Variants in MYOCD observed in about 807,000 individuals in gnomAD.
MYOCD encodes myocardin.
MYOCD carries 32 observed loss-of-function variants against 96.1 expected under a neutral mutation model. The observed-to-expected ratio is 0.33, with a 90% confidence interval of 0.25 to 0.45. The LOEUF (loss-of-function observed/expected upper bound fraction) is 0.45. MYOCD is among the 20% of genes least tolerant of loss of function. The pLI, the probability that MYOCD is intolerant of heterozygous loss-of-function variation, is 1.00. For synonymous variants in MYOCD, 469 were observed against 469.0 expected (o/e 1.00, Z 0.00); for missense variants, 1,133 against 1,200.6 (o/e 0.94, Z 0.83).
rs1323481986 is a variant in MYOCD, at chr17:12,752,654, C to G, written c.1366C>G (p.Pro456Ala). Residue 456 changes from proline (P) to alanine (A), a missense_variant, in exon 10 of 14, where the codon CCC becomes GCC. Coordinates refer to ENST00000425538, the MANE Select transcript of MYOCD (RefSeq NM_001146312.3). ...CCACTTTGGCAGCACCAGCTCCAGCCCCCCGATCTCCCCAGCCTCCTCTGA... is the reference window on the plus strand; with the variant it reads ...CCACTTTGGCAGCACCAGCTCCAGCGCCCCGATCTCCCCAGCCTCCTCTGA... The part of the protein sequence containing the change: ...FYHFGSTSSS[P>A]PISPASSDLS... The G allele has an allele frequency of 1.2e-6, 2 of 1,614,034 alleles. No homozygotes were observed. The highest frequency in any genetic ancestry group is 1.7e-6 in the Non-Finnish European group (2 of 1,179,958).
chr17:12,752,944 G>A lies in MYOCD; in HGVS notation c.1656G>A (p.Gln552=). Residue 552 remains glutamine, a synonymous_variant, in exon 10 of 14, where the codon CAG becomes CAA. Coordinates refer to ENST00000425538, the MANE Select transcript of MYOCD (RefSeq NM_001146312.3). Reference sequence around the variant, plus strand: ...AGCTGAGGATGCAGCTTCAGAAGCAGAAAAGGAATAACTGTTCAGAGAAGA... The same window carrying A: ...AGCTGAGGATGCAGCTTCAGAAGCAAAAAAGGAATAACTGTTCAGAGAAGA... ...VEELRMQLQK[Q]KRNNCSEKKP... is the part of the protein sequence containing the mutation. 6.2e-7 allele frequency: 1 copy of A among 1,614,176 alleles called. No individual in the cohort carries two copies. The highest frequency in any genetic ancestry group is 8.5e-7 in the Non-Finnish European group (1 of 1,180,042).
intron 10 of MYOCD, among the ~76,000 whole-genome samples, chr17:12,754,076 A>G (rs12103745): frequency 0.32 from 46,677 of 147,128 alleles, 8,066 homozygotes; most frequent in Middle Eastern, 0.45. Flanking sequence ...GTGTGTGTGT[A>G]TGTGTGTGTG....
chr17:12,736,758 G>A (rs1270745887), intron 6 of MYOCD, among the ~76,000 whole-genome samples: 1 of 152,162 alleles, frequency 6.6e-6, no homozygotes. Context: ...GCTCCAGGGA[G>A]TGGAGAGAAG....
At chr17:12,753,460 G>A (rs2032921845) in intron 10 of MYOCD, 114 bp downstream of exon 10, 2 of 951,060 alleles carry the variant, frequency 2.1e-6, no homozygotes, top group Non-Finnish European at 1.5e-6. Flanking sequence ...TTTACCAAAA[G>A]CATAGCAGAA....
rs553808825 is a variant in MYOCD at position 12,744,281 on chromosome 17, C to T, written c.816C>T (p.Asp272=). Residue 272 remains aspartate, a synonymous_variant, in exon 8 of 14, where the codon GAC becomes GAT. Coordinates refer to ENST00000425538, the MANE Select transcript of MYOCD (RefSeq NM_001146312.3). ...KLKYHQYIPP[D]QKAEKSPPPM... The stretch of plus-strand genomic sequence containing the variant: ...AATATCACCAGTACATTCCCCCAGA[C>T]CAGAAGGCAGAGAAGTCCCCTCCAC... The T allele has an allele frequency of 1.2e-6, 2 of 1,614,196 alleles. No individual in the cohort carries two copies. The highest frequency in any genetic ancestry group is 2.2e-5 in the East Asian group (1 of 44,888).
At chr17:12,671,413 G>A (rs1395297353) in intron 1 of MYOCD, among the ~76,000 whole-genome samples, 2 of 152,138 alleles carry the variant, frequency 1.3e-5, no homozygotes, top group Non-Finnish European at 2.9e-5. Context: ...CAGTGGGAGA[G>A]GCTAAATAAG....
At chr17:12,750,546 C>T (rs527559026) in intron 9 of MYOCD, among the ~76,000 whole-genome samples, 9 of 151,870 alleles carry the variant, frequency 5.9e-5, no homozygotes, top group East Asian at 3.9e-4. Context: ...AAAATTAGCC[C>T]GGTGTGGTGG....
In MYOCD at chr17:12,767,373, A is replaced by G. The variant is rs1243230326; in HGVS notation, c.*3729A>G. 1.3e-5 allele frequency: 2 copies of G among 152,246 alleles called. No individual in the cohort carries two copies. Among genetic ancestry groups the G allele is most frequent in the Non-Finnish European group, 2.9e-5 (2 of 68,044 alleles). The allele number at this position is 152,246 out of a possible 1,614,324, so 9.4% of individuals were successfully genotyped here. ...CCAAATGTTATTTATTTTAAAGTCA[A>G]TCAGCTCTTTTAGAAACAGATTCTG... On this transcript the variant is annotated 3_prime_UTR_variant, in exon 14 of 14. Transcript: ENST00000425538.
chr17:12,715,690 C>T (rs974298721), intron 3 of MYOCD, 116 bp downstream of exon 3: 27 of 703,126 alleles, frequency 3.8e-5, no homozygotes, highest in African/African-American at 2.5e-4. Context: ...ATTTGCCAGT[C>T]CCCTGCCCTC....
At chr17:12,758,594 C>G (rs2033080674) in intron 12 of MYOCD, among the ~76,000 whole-genome samples, 1 of 152,212 alleles carries the variant, frequency 6.6e-6, no homozygotes, top group South Asian at 2.1e-4. Flanking sequence ...ATGAGAGTGA[C>G]TGTCAGGGTA....
intron 1 of MYOCD, among the ~76,000 whole-genome samples, chr17:12,678,070 T>G (rs991833798): frequency 1.3e-5 from 2 of 151,560 alleles, no homozygotes; most frequent in African/African-American, 4.8e-5. Flanking sequence ...TTTTTGTATT[T>G]TTAGTAGAGA....
intron 12 of MYOCD, among the ~76,000 whole-genome samples, chr17:12,759,979 T>C (rs2033124387): frequency 6.6e-6 from 1 of 152,230 alleles, no homozygotes. Context: ...TTTCATTCAG[T>C]AGATTATCTG....
At chr17:12,720,852 C>A (rs976636972) in intron 4 of MYOCD, among the ~76,000 whole-genome samples, 5 of 151,910 alleles carry the variant, frequency 3.3e-5, no homozygotes, top group African/African-American at 1.2e-4. Flanking sequence ...GAAACCCCAT[C>A]TCTACTAAAA....
Position 12,714,698 on chromosome 17 carries a change from T to C in MYOCD, c.122-821T>C, listed in dbSNP as rs572378186. ...TATTAAATCCCCATAAGAGGTGCTATGAAGGGTGATGAGGAGGAGGTCATG... is the reference window on the plus strand; with the variant it reads ...TATTAAATCCCCATAAGAGGTGCTACGAAGGGTGATGAGGAGGAGGTCATG... On this transcript the variant is annotated intron_variant, in intron 2 of 13. Transcript: ENST00000425538. Among the ~76,000 whole-genome samples, 111 of 152,308 alleles carry C rather than the reference T, an allele frequency of 7.3e-4. 2 individuals carry two copies. Among genetic ancestry groups the C allele is most frequent in the African/African-American group, 2.4e-3 (98 of 41,582 alleles).
chr17:12,677,068 G>A (rs1286368709), intron 1 of MYOCD, among the ~76,000 whole-genome samples: 1 of 152,100 alleles, frequency 6.6e-6, no homozygotes, highest in Admixed American at 6.6e-5. Flanking sequence ...ACACTATGCA[G>A]CCATAAAAAA....
At chr17:12,754,818 T>TAG (rs2032967225) in intron 10 of MYOCD, among the ~76,000 whole-genome samples, 1 of 152,246 alleles carries the variant, frequency 6.6e-6, no homozygotes, top group Non-Finnish European at 1.5e-5. Flanking sequence ...TGCCAAGCAT[T>TAG]ACAAGGCATG....
chr17:12,716,479 TC>T (rs1478246383), intron 3 of MYOCD, among the ~76,000 whole-genome samples: 2 of 152,116 alleles, frequency 1.3e-5, no homozygotes, highest in East Asian at 3.9e-4. Flanking sequence ...GACAGCCCCA[TC>T]AAGAAGGTAA....
chr17:12,755,599 A>C (rs2032989099), intron 10 of MYOCD, among the ~76,000 whole-genome samples: 1 of 152,086 alleles, frequency 6.6e-6, no homozygotes, highest in African/African-American at 2.4e-5. Context: ...AAATTAGGCC[A>C]GGCGCGATGG....
intron 1 of MYOCD, among the ~76,000 whole-genome samples, chr17:12,690,556 A>G (rs2030396213): frequency 6.6e-6 from 1 of 152,216 alleles, no homozygotes; most frequent in Non-Finnish European, 1.5e-5. Flanking sequence ...GAACATATTG[A>G]AAAAAATGGA....
Sources: allele counts gnomAD v4.1 joint callset (sites outside exome capture counted in the v4.1 genomes callset), GRCh38; gene constraint gnomAD v4.1.1; transcripts MANE v1.5; gene names NCBI Gene and HGNC (gene_info 2026-07-23, HGNC 2026-07-21).